VPS13B: variants seen among roughly 807,000 people sequenced by gnomAD.
VPS13B encodes the protein intermembrane lipid transfer protein VPS13B.
In VPS13B, 285 loss-of-function variants were observed where a neutral mutation model predicts 426.4. The ratio of observed to expected loss-of-function variants is 0.67; its 90% CI spans 0.61 to 0.74. VPS13B has a LOEUF of 0.74. VPS13B is among the 30% of genes least tolerant of loss of function. The probability of loss-of-function intolerance (pLI) is 0.00; values close to 1 mark genes in which losing one functional copy is unlikely to be tolerated. For missense variants in VPS13B, 4,537 were observed against 4,782.6 expected (o/e 0.95, Z 1.51); for synonymous variants, 1,676 against 1,676.4 (o/e 1.00, Z 0.01).
intron 34 of VPS13B, among the ~76,000 whole-genome samples, chr8:99,644,640 T>C (rs189942278): frequency 6.7e-6 from 1 of 150,118 alleles, no homozygotes; most frequent in East Asian, 2.0e-4. Flanking sequence ...AATATTCTCA[T>C]GGATGCCTTT....
chr8:99,444,063 G>GA (rs1201075394), intron 23 of VPS13B, among the ~76,000 whole-genome samples: 2 of 150,968 alleles, frequency 1.3e-5, no homozygotes, highest in African/African-American at 4.9e-5. Flanking sequence ...AAACTGGAGA[G>GA]AGCAATTAAT....
chr8:99,770,674 G>A (rs1226800074), intron 40 of VPS13B, among the ~76,000 whole-genome samples: 2 of 152,140 alleles, frequency 1.3e-5, no homozygotes, highest in Non-Finnish European at 2.9e-5. Flanking sequence ...CAAAGGAACC[G>A]GGAAAATACA....
intron 13 of VPS13B, among the ~76,000 whole-genome samples, chr8:99,145,527 A>G (rs938778339): frequency 7.1e-6 from 1 of 140,244 alleles, no homozygotes; most frequent in East Asian, 2.3e-4. Context: ...TCCATTTCTA[A>G]AATTTTGTCA....
chr8:99,731,583 G>T (rs946661802), intron 39 of VPS13B, among the ~76,000 whole-genome samples: 2 of 152,172 alleles, frequency 1.3e-5, no homozygotes, highest in Non-Finnish European at 1.5e-5. Context: ...TTGTGGAGGT[G>T]AAATGAATCA....
At chr8:99,196,826 TCTTG>T (rs1813965121) in intron 17 of VPS13B, among the ~76,000 whole-genome samples, 1 of 152,186 alleles carries the variant, frequency 6.6e-6, no homozygotes, top group East Asian at 1.9e-4. Flanking sequence ...TCTTTCTTCC[TCTTG>T]CTTAGTTTTT....
chr8:99,875,901 A>G lies in VPS13B; in HGVS notation c.*235A>G. The stretch of plus-strand genomic sequence containing the variant: ...CTAGGCAGCTCTAACATCATCTGAT[A>G]TGGACACAAGGCCAACAGTTTCCTT... On this transcript the variant is annotated 3_prime_UTR_variant, in exon 62 of 62. Coordinates refer to ENST00000357162, the MANE Select transcript of VPS13B (RefSeq NM_152564.5). 1.8e-6 allele frequency: 1 copy of G among 565,510 alleles called. No homozygotes were observed. The highest frequency in any genetic ancestry group is 3.1e-6 in the Non-Finnish European group (1 of 318,098). 35.0% of individuals were successfully genotyped at this position (565,510 alleles called of 1,614,324 possible).
At chr8:99,431,060 T>C (rs1817079706) in intron 21 of VPS13B, among the ~76,000 whole-genome samples, 1 of 152,226 alleles carries the variant, frequency 6.6e-6, no homozygotes, top group Non-Finnish European at 1.5e-5. Flanking sequence ...GGTAAGTTTT[T>C]GTTATCAGGA....
At chr8:99,502,316 A>C (rs1170063397) in intron 26 of VPS13B, among the ~76,000 whole-genome samples, 2 of 152,128 alleles carry the variant, frequency 1.3e-5, no homozygotes, top group Non-Finnish European at 2.9e-5. Context: ...GAAAAGTGCA[A>C]ATATTAAACG....
chr8:99,134,979 C>T (rs779303050), intron 9 of VPS13B, 36 bp from the exon 10 acceptor site: 2 of 1,611,776 alleles, frequency 1.2e-6, no homozygotes, highest in Non-Finnish European at 1.7e-6. Context: ...TTATTAAATT[C>T]AATTCTTAGT....
rs79858134 is a variant in VPS13B at position 99,717,393 on chromosome 8, A to G, written c.6657+20A>G. 1 of 1,603,682 alleles carries G rather than the reference A, an allele frequency of 6.2e-7. No homozygotes were observed. The highest frequency in any genetic ancestry group is 1.3e-5 in the African/African-American group (1 of 74,644). ...CTACAGGTCTGTGGGTATTGGCCAT[A>G]TTTTTTTCATAGGTTATTAACTAGC... On this transcript the variant is annotated intron_variant, in intron 37 of 61. Transcript: ENST00000357162.
chr8:99,738,061 C>A (rs547138948), intron 39 of VPS13B, among the ~76,000 whole-genome samples: 1 of 152,208 alleles, frequency 6.6e-6, no homozygotes, highest in Non-Finnish European at 1.5e-5. Context: ...TCAAAGGACT[C>A]GTTATCACTA....
At chr8:99,085,394 T>C (rs1429068828) in intron 3 of VPS13B, among the ~76,000 whole-genome samples, 1 of 152,218 alleles carries the variant, frequency 6.6e-6, no homozygotes, top group African/African-American at 2.4e-5. Context: ...TTAATGGTTC[T>C]TGACTCTTTA....
intron 18 of VPS13B, among the ~76,000 whole-genome samples, 192 bp from the exon 19 acceptor site, chr8:99,274,889 A>T (rs1818811231): frequency 6.6e-6 from 1 of 152,160 alleles, no homozygotes; most frequent in African/African-American, 2.4e-5. Context: ...TTCTGCATTC[A>T]TTAGCAAATA....
chr8:99,546,449 G>A (rs1012573687), intron 30 of VPS13B, among the ~76,000 whole-genome samples: 5 of 151,848 alleles, frequency 3.3e-5, no homozygotes, highest in East Asian at 1.9e-4. Flanking sequence ...GAACGTAGGC[G>A]ACAAGAGGGG....
At chr8:99,702,582 G>T (rs901004024) in intron 36 of VPS13B, among the ~76,000 whole-genome samples, 4 of 152,046 alleles carry the variant, frequency 2.6e-5, no homozygotes, top group Non-Finnish European at 4.4e-5. Context: ...ATGTGAATCT[G>T]CATAACTCCC....
chr8:99,135,877 A>C, intron 11 of VPS13B, 144 bp downstream of exon 11: 1 of 1,150,196 alleles, frequency 8.7e-7, no homozygotes, highest in African/African-American at 1.5e-5. Context: ...GCATTTATAC[A>C]GTATACATGT....
intron 19 of VPS13B, among the ~76,000 whole-genome samples, chr8:99,299,223 G>A (rs192631655): frequency 6.6e-6 from 1 of 151,588 alleles, no homozygotes; most frequent in Non-Finnish European, 1.5e-5. Flanking sequence ...CACTACACCC[G>A]GCTAATTTTT....
At chr8:99,077,208 G>T (rs1454376540) in intron 3 of VPS13B, among the ~76,000 whole-genome samples, 1 of 151,784 alleles carries the variant, frequency 6.6e-6, no homozygotes, top group African/African-American at 2.4e-5. Context: ...GTTTCACGCT[G>T]GTTGCCCAGG....
intron 17 of VPS13B, among the ~76,000 whole-genome samples, chr8:99,251,153 A>G (rs1261044639): frequency 6.6e-6 from 1 of 152,040 alleles, no homozygotes; most frequent in African/African-American, 2.4e-5. Context: ...CCATCTGTAT[A>G]CCTTTTATCT....
Sources: allele counts gnomAD v4.1 joint callset (sites outside exome capture counted in the v4.1 genomes callset), GRCh38; gene constraint gnomAD v4.1.1; transcripts MANE v1.5; gene names NCBI Gene and HGNC (gene_info 2026-07-23, HGNC 2026-07-21).